The following GRIA4 variants were observed in gnomAD, a reference collection of about 807,000 sequenced individuals.
GRIA4 encodes glutamate ionotropic receptor AMPA type subunit 4.
A neutral mutation model predicts 104.0 loss-of-function variants in GRIA4; 34 were observed. The observed-to-expected ratio is 0.33, with a 90% CI of 0.25 to 0.44. The LOEUF (loss-of-function observed/expected upper bound fraction) is 0.44. Among genes scored for constraint, GRIA4 ranks in the 20% least tolerant of loss-of-function variants. The pLI is 1.00. For missense variants in GRIA4, 750 were observed against 1,096.5 expected (o/e 0.68, Z 4.46); for synonymous variants, 386 against 381.9 (o/e 1.01, Z -0.13).
At chr11:105,809,587 G>C (rs1027943896) in intron 4 of GRIA4, among the ~76,000 whole-genome samples, 1 of 152,048 alleles carries the variant, frequency 6.6e-6, no homozygotes, top group Admixed American at 6.6e-5. Context: ...TCGCGTGATA[G>C]TGAGTGAGTT....
At chr11:105,776,987 C>T (rs1941478856) in intron 4 of GRIA4, among the ~76,000 whole-genome samples, 1 of 152,126 alleles carries the variant, frequency 6.6e-6, no homozygotes, top group Non-Finnish European at 1.5e-5. Flanking sequence ...GCACGTGGTA[C>T]CCAGTTTTAT....
intron 11 of GRIA4, among the ~76,000 whole-genome samples, chr11:105,920,662 A>G (rs1947533447): frequency 6.6e-6 from 1 of 152,178 alleles, no homozygotes; most frequent in Non-Finnish European, 1.5e-5. Flanking sequence ...TGAAAAAGTT[A>G]TGTCAGTCCT....
At chr11:105,893,656 G>C (rs1946534680) in intron 6 of GRIA4, among the ~76,000 whole-genome samples, 1 of 152,168 alleles carries the variant, frequency 6.6e-6, no homozygotes, top group South Asian at 2.1e-4. Flanking sequence ...TTTTCTGAAG[G>C]CTGCAGCTTT....
intron 3 of GRIA4, among the ~76,000 whole-genome samples, chr11:105,730,382 C>T (rs898736343): frequency 7.2e-5 from 11 of 152,158 alleles, no homozygotes; most frequent in African/African-American, 2.6e-4. Context: ...TAAGAGAGGA[C>T]ACAAACAAAT....
At chr11:105,783,747 TGTGTG>T (rs1941832487) in intron 4 of GRIA4, among the ~76,000 whole-genome samples, 1 of 32,034 alleles carries the variant, frequency 3.1e-5, no homozygotes. Flanking sequence ...ATGTTATTTG[TGTGTG>T]TGTGTGTGTG....
intron 3 of GRIA4, among the ~76,000 whole-genome samples, chr11:105,714,166 T>C (rs1384036220): frequency 6.6e-6 from 1 of 152,072 alleles, no homozygotes; most frequent in Non-Finnish European, 1.5e-5. Context: ...GTTTTGCTTC[T>C]CAAAACTTGA....
intron 14 of GRIA4, among the ~76,000 whole-genome samples, chr11:105,945,057 A>G (rs1412798817): frequency 6.6e-6 from 1 of 151,944 alleles, no homozygotes. Flanking sequence ...CTATCATTTT[A>G]CTCTCAAAAA....
intron 3 of GRIA4, among the ~76,000 whole-genome samples, chr11:105,616,400 A>C (rs955773018): frequency 6.6e-6 from 1 of 151,692 alleles, no homozygotes; most frequent in Non-Finnish European, 1.5e-5. Flanking sequence ...AGTACTTTAC[A>C]AAGTACTTGT....
At chr11:105,887,635 T>A (rs552487248) in intron 6 of GRIA4, 63 bp downstream of exon 6, 1 of 785,932 alleles carries the variant, frequency 1.3e-6, no homozygotes, top group Admixed American at 2.0e-5. Context: ...TTATTTTAAC[T>A]GTGCCTTAAA....
At chr11:105,787,073 A>G (rs1409605648) in intron 4 of GRIA4, among the ~76,000 whole-genome samples, 2 of 152,200 alleles carry the variant, frequency 1.3e-5, no homozygotes, top group African/African-American at 2.4e-5. Context: ...CATTCTGGTG[A>G]AAGGAACAGA....
intron 3 of GRIA4, chr11:105,706,231 A>G (rs639076): frequency 0.55 from 83,187 of 152,190 alleles, 22,867 homozygotes; most frequent in Admixed American, 0.61. Flanking sequence ...AGGAGTGGCG[A>G]AGGGGGATGG....
At chr11:105,905,843 C>T (rs939849885) in intron 9 of GRIA4, among the ~76,000 whole-genome samples, 1 of 152,138 alleles carries the variant, frequency 6.6e-6, no homozygotes, top group Non-Finnish European at 1.5e-5. Flanking sequence ...GGTGCTGGTG[C>T]TAGGTTCCTG....
chr11:105,927,242 T>C (rs535308195), intron 13 of GRIA4, among the ~76,000 whole-genome samples: 3 of 152,266 alleles, frequency 2.0e-5, no homozygotes, highest in South Asian at 4.1e-4. Context: ...TATGATAATA[T>C]TGGATCTGGT....
intron 14 of GRIA4, among the ~76,000 whole-genome samples, chr11:105,945,808 A>G (rs1199911634): frequency 6.6e-6 from 1 of 152,216 alleles, no homozygotes; most frequent in Admixed American, 6.5e-5. Flanking sequence ...TAGGCCTTAG[A>G]AAATTTTTAT....
intron 12 of GRIA4, among the ~76,000 whole-genome samples, chr11:105,926,118 A>G (rs1483435671): frequency 6.6e-6 from 1 of 152,058 alleles, no homozygotes; most frequent in Non-Finnish European, 1.5e-5. Flanking sequence ...AAACAAAAAA[A>G]GCCTCAACTA....
chr11:105,682,303 C>T (rs1952735966), intron 3 of GRIA4, among the ~76,000 whole-genome samples: 1 of 152,076 alleles, frequency 6.6e-6, no homozygotes, highest in Non-Finnish European at 1.5e-5. Context: ...GCACTGCAGC[C>T]TCAAACTTCT....
intron 4 of GRIA4, among the ~76,000 whole-genome samples, chr11:105,771,972 GA>G (rs1356129512): frequency 1.3e-5 from 2 of 152,052 alleles, no homozygotes; most frequent in Admixed American, 1.3e-4. Context: ...GCAGTGGAGA[GA>G]AATGTAAATA....
intron 4 of GRIA4, among the ~76,000 whole-genome samples, chr11:105,804,362 A>G (rs1942855354): frequency 6.6e-6 from 1 of 151,466 alleles, no homozygotes; most frequent in Non-Finnish European, 1.5e-5. Context: ...ATGCACACAC[A>G]CACACACACA....
In GRIA4 at chr11:105,910,734, TG is replaced by T. The variant is rs1252509756; in HGVS notation, c.1269+190del. ...TTCGAGTTCATATAGTACTTTTATT[TG>T]TATTATCTTTTGTCACATTGTTGTT... On this transcript the variant is annotated intron_variant, in intron 10 of 16. Coordinates refer to ENST00000282499, the MANE Select transcript of GRIA4 (RefSeq NM_000829.4). 3.9e-5 allele frequency among the ~76,000 whole-genome samples: 6 copies of T among 152,130 alleles called. No homozygotes were observed. The East Asian group carries it at 1.2e-3, about 29-fold the overall frequency.
Sources: allele counts gnomAD v4.1 joint callset (sites outside exome capture counted in the v4.1 genomes callset), GRCh38; gene constraint gnomAD v4.1.1; transcripts MANE v1.5; gene names NCBI Gene and HGNC (gene_info 2026-07-23, HGNC 2026-07-21).